Variants in PDP1 observed in about 807,000 individuals in gnomAD.
PDP1 encodes the protein pyruvate dehyrogenase phosphatase catalytic subunit 1.
Under a neutral mutation model 37.1 loss-of-function variants are expected in PDP1, and 14 were observed. The ratio of observed to expected loss-of-function variants is 0.38; its 90% CI spans 0.25 to 0.59. The LOEUF (loss-of-function observed/expected upper bound fraction) is 0.59, where lower values mean the gene tolerates loss of function less well. Ranked by LOEUF, PDP1 falls within the 20% of genes least tolerant of loss-of-function variation. The pLI, the probability that PDP1 is intolerant of heterozygous loss-of-function variation, is 0.67. For missense variants in PDP1, 544 were observed against 655.3 expected (o/e 0.83, Z 1.85); for synonymous variants, 251 against 243.3 (o/e 1.03, Z -0.29).
intron 1 of PDP1, 125 bp downstream of exon 1, chr8:93,917,204 G>T (rs1414939911): frequency 4.5e-6 from 1 of 221,234 alleles, no homozygotes. Context: ...GGCTGGACGA[G>T]CCCTGGAGCG....
At chr8:93,921,732 G>T (rs561859032) in intron 1 of PDP1, 21 of 296,388 alleles carry the variant, frequency 7.1e-5, no homozygotes, top group African/African-American at 3.9e-4. Flanking sequence ...TGTACATTCT[G>T]CACAGTTTGT....
At chr8:93,918,044 G>C in intron 1 of PDP1, 1 of 1,325,980 alleles carries the variant, frequency 7.5e-7, no homozygotes, top group South Asian at 1.3e-5. Flanking sequence ...GGTATTAAGG[G>C]ATGAGATAGA....
chr8:93,926,066 G>A lies in PDP1; in HGVS notation c.*2393G>A, dbSNP rs1352563536. On this transcript the variant is annotated 3_prime_UTR_variant, in exon 2 of 2. Transcript: ENST00000297598. ...AATTAAAGCTTCATATCTGCTTTCT[G>A]AATGTCCTGTGTTGGTTTTTAATAA... 6.1e-6 allele frequency: 1 copy of A among 164,220 alleles called. No homozygotes were observed. Among genetic ancestry groups the A allele is most frequent in the South Asian group, 2.1e-4 (1 of 4,830 alleles). 10.2% of individuals were successfully genotyped at this position (164,220 alleles called of 1,614,324 possible).
chr8:93,919,478 T>C (rs1586152226), intron 1 of PDP1, among the ~76,000 whole-genome samples: 73 of 108,600 alleles, frequency 6.7e-4, no homozygotes, highest in African/African-American at 1.2e-3. Flanking sequence ...GCAAAATTCC[T>C]CCCCCCGCTG....
rs73692960 is a variant in PDP1 at position 93,917,718 on chromosome 8, C to G, written c.-45+639C>G. 1,545 of 1,177,836 alleles carry G rather than the reference C, an allele frequency of 1.3e-3. 21 individuals carry two copies. In the African/African-American group the frequency reaches 0.02, roughly 15 times the overall value. 73.0% of individuals were successfully genotyped at this position (1,177,836 alleles called of 1,614,324 possible). ...TTCTCTCCACCCCTTTATCCCTCCT[C>G]CATCCTCTTCCCCCCCACCTCCCAG... is the stretch of plus-strand genomic sequence containing the variant. On this transcript the variant is annotated intron_variant, in intron 1 of 1. Coordinates refer to ENST00000297598, the MANE Select transcript of PDP1 (RefSeq NM_018444.4).
chr8:93,919,143 C>A, intron 1 of PDP1: 1 of 981,136 alleles, frequency 1.0e-6, no homozygotes, highest in Non-Finnish European at 1.2e-6. Flanking sequence ...GATGTTTGAA[C>A]GTAAGTATTG....
chr8:93,921,971 A>G (rs1563516199), intron 1 of PDP1, 45 bp from the exon 2 acceptor site: 5 of 1,332,336 alleles, frequency 3.8e-6, no homozygotes, highest in Non-Finnish European at 5.2e-6. Context: ...GTATCCTGAA[A>G]TGTAACTCTT....
intron 1 of PDP1, chr8:93,921,795 C>T (rs191146722): frequency 2.1e-6 from 1 of 484,634 alleles, no homozygotes; most frequent in East Asian, 3.2e-5. Context: ...AGTATAGGAG[C>T]CAGGAGTTCA....
chr8:93,920,923 C>G, intron 1 of PDP1: 2 of 980,318 alleles, frequency 2.0e-6, no homozygotes, highest in South Asian at 9.4e-5. Flanking sequence ...GGGGTTAATT[C>G]TACTTTGGAT....
chr8:93,925,806 G>A lies in PDP1; in HGVS notation c.*2133G>A, dbSNP rs886063189. The A allele has an allele frequency of 6.0e-6, 1 of 166,970 alleles. No homozygotes were observed. The highest frequency in any genetic ancestry group is 6.5e-5 in the Admixed American group (1 of 15,284). The allele number at this position is 166,970 out of a possible 1,614,324, so 10.3% of individuals were successfully genotyped here. A position where few individuals can be genotyped will look rare whatever the true frequency, so the allele number is the denominator to read the frequency against. On this transcript the variant is annotated 3_prime_UTR_variant, in exon 2 of 2. Coordinates refer to ENST00000297598, the MANE Select transcript of PDP1 (RefSeq NM_018444.4). ...TAAAGAATACATGTAAACTTTCATGGTATTTAGCCTTTCTTAAATTTTTTT... is the reference window on the plus strand; with the variant it reads ...TAAAGAATACATGTAAACTTTCATGATATTTAGCCTTTCTTAAATTTTTTT...
Position 93,917,050 on chromosome 8 carries a change from G to A in PDP1, c.-74G>A, listed in dbSNP as rs764715116. The A allele has an allele frequency of 1.3e-5, 6 of 478,220 alleles. No homozygotes were observed. The highest frequency in any genetic ancestry group is 6.2e-5 in the African/African-American group (3 of 48,164). 29.6% of individuals were successfully genotyped at this position (478,220 alleles called of 1,614,324 possible). A position where few individuals can be genotyped will look rare whatever the true frequency, so the allele number is the denominator to read the frequency against. ...GTCGTTGTCGCCCCCTCCTCGTCGG[G>A]AAGAATCGTTTGGTCTCCTGCCGTG... On this transcript the variant is annotated 5_prime_UTR_variant, in exon 1 of 2. Coordinates refer to ENST00000297598, the MANE Select transcript of PDP1 (RefSeq NM_018444.4).
rs752170333 is a variant in PDP1 at position 93,922,463 on chromosome 8, C to A, written c.404C>A (p.Thr135Asn). ...AGAAGTGCAGCAACCTGCTTGCAGA[C>A]CAGAGGGATGCTTTTGGGGGTTTTT... Reference protein sequence around the residue: ...DRRSAATCLQTRGMLLGVFDG... With the variant: ...DRRSAATCLQNRGMLLGVFDG... Residue 135 changes from threonine (T) to asparagine (N), a missense_variant, in exon 2 of 2, where the codon ACC (threonine) becomes AAC (asparagine). Coordinates refer to ENST00000297598, the MANE Select transcript of PDP1 (RefSeq NM_018444.4). This position sits in a 1 kb window ranked among gnomAD's most constrained non-coding sequence, Gnocchi z 4.0. The A allele has an allele frequency of 1.2e-6, 2 of 1,614,084 alleles. No homozygotes were observed. Among genetic ancestry groups the A allele is most frequent in the African/African-American group, 2.7e-5 (2 of 74,922 alleles).
In PDP1 at chr8:93,925,892, A is replaced by G. The variant is rs1362996041; in HGVS notation, c.*2219A>G. 1.2e-5 allele frequency: 2 copies of G among 167,006 alleles called. No individual in the cohort carries two copies. The highest frequency in any genetic ancestry group is 6.5e-5 in the Admixed American group (1 of 15,284). The allele number at this position is 167,006 out of a possible 1,614,324, so 10.3% of individuals were successfully genotyped here. A position where few individuals can be genotyped will look rare whatever the true frequency, so the allele number is the denominator to read the frequency against. On this transcript the variant is annotated 3_prime_UTR_variant, in exon 2 of 2. Coordinates refer to ENST00000297598, the MANE Select transcript of PDP1 (RefSeq NM_018444.4). Reference sequence around the variant, plus strand: ...TGTATTTATATTTAATCAGTGGTTCATGTTATATAATACACCCTTAACTAG... The same window carrying G: ...TGTATTTATATTTAATCAGTGGTTCGTGTTATATAATACACCCTTAACTAG...
chr8:93,920,819 G>T, intron 1 of PDP1: 2 of 684,932 alleles, frequency 2.9e-6, no homozygotes, highest in Non-Finnish European at 3.6e-6. Flanking sequence ...TATTTATGGG[G>T]TACAATGTGA....
chr8:93,922,680 G>A lies in PDP1; in HGVS notation c.621G>A (p.Leu207=). ...NDYFSKEASK[L]YFNSLRTYWQ... The stretch of plus-strand genomic sequence containing the variant: ...ACTTTAGTAAGGAGGCATCCAAATT[G>A]TACTTTAACAGCTTGAGGACTTACT... Residue 207 remains leucine (L), a synonymous_variant, in exon 2 of 2, where the codon TTG becomes TTA. Coordinates refer to ENST00000297598, the MANE Select transcript of PDP1 (RefSeq NM_018444.4). This position sits in a 1 kb window ranked among gnomAD's most constrained non-coding sequence, Gnocchi z 4.0. 4 of 1,614,138 alleles carry A rather than the reference G, an allele frequency of 2.5e-6. No individual in the cohort carries two copies. Among genetic ancestry groups the A allele is most frequent in the African/African-American group, 2.7e-5 (2 of 75,030 alleles).
rs1034416981 is a variant in PDP1 at position 93,922,503 on chromosome 8, T to C, written c.444T>C (p.Gly148=). The C allele has an allele frequency of 1.2e-6, 2 of 1,614,088 alleles. No homozygotes were observed. The highest frequency in any genetic ancestry group is 1.7e-5 in the Admixed American group (1 of 60,018). The change falls in exon 2 of 2, where the codon GGT becomes GGC. Residue 148 remains glycine (G), a synonymous_variant. Coordinates refer to ENST00000297598, the MANE Select transcript of PDP1 (RefSeq NM_018444.4). The surrounding 1 kb of genome is among the most constrained non-coding windows in gnomAD (Gnocchi z 4.0). The part of the protein sequence containing the change: ...MLLGVFDGHA[G]CACSQAVSER... Reference sequence around the variant, plus strand: ...TGGGGGTTTTTGATGGCCATGCAGGTTGTGCTTGTTCCCAGGCAGTCAGTG... The same window carrying C: ...TGGGGGTTTTTGATGGCCATGCAGGCTGTGCTTGTTCCCAGGCAGTCAGTG...
rs767109728 is a variant in PDP1, at chr8:93,922,050, C to A, written c.-10C>A. On this transcript the variant is annotated 5_prime_UTR_variant, in exon 2 of 2. Transcript: ENST00000297598. The surrounding 1 kb of genome is among the most constrained non-coding windows in gnomAD (Gnocchi z 4.0). ...TCAGAAGTTCCAGCCTGCCACTGTTCTCTGATGCCATGCCAGCACCAACTC... is the reference window on the plus strand; with the variant it reads ...TCAGAAGTTCCAGCCTGCCACTGTTATCTGATGCCATGCCAGCACCAACTC... 7.5e-6 allele frequency: 12 copies of A among 1,603,842 alleles called. No individual in the cohort carries two copies. Among genetic ancestry groups the A allele is most frequent in the African/African-American group, 1.3e-5 (1 of 74,914 alleles).
rs1199202337 is a variant in PDP1 at position 93,916,973 on chromosome 8, T to C, written c.-151T>C. ...GAGTGGGCAGGCCGGGGGTGAGGGC[T>C]CGCGCTCCGGGAGCTGCACGGGGCT... On this transcript the variant is annotated 5_prime_UTR_variant, in exon 1 of 2. Coordinates refer to ENST00000297598, the MANE Select transcript of PDP1 (RefSeq NM_018444.4). 6.5e-6 allele frequency: 3 copies of C among 463,118 alleles called. No homozygotes were observed. Among genetic ancestry groups the C allele is most frequent in the Admixed American group, 4.5e-5 (2 of 44,568 alleles). 28.7% of individuals were successfully genotyped at this position (463,118 alleles called of 1,614,324 possible). A position where few individuals can be genotyped will look rare whatever the true frequency, so the allele number is the denominator to read the frequency against.
intron 1 of PDP1, among the ~76,000 whole-genome samples, chr8:93,919,492 T>TCC (rs1480477430): frequency 3.4e-4 from 6 of 17,830 alleles, no homozygotes; most frequent in African/African-American, 4.8e-4. Flanking sequence ...CCCGCTGCCC[T>TCC]CCCTCCCCCC....
Sources: allele counts gnomAD v4.1 joint callset (sites outside exome capture counted in the v4.1 genomes callset), GRCh38; gene constraint gnomAD v4.1.1; non-coding constraint Gnocchi (gnomAD v3.1); transcripts MANE v1.5; gene names NCBI Gene and HGNC (gene_info 2026-07-23, HGNC 2026-07-21).